Variants in LRP1B observed in about 807,000 individuals in gnomAD.
The protein encoded by LRP1B is low-density lipoprotein receptor-related protein 1B.
Under a neutral mutation model 556.6 loss-of-function variants are expected in LRP1B, and 217 were observed. The observed-to-expected ratio is 0.39, with a 90% confidence interval of 0.35 to 0.44. The LOEUF is 0.44. Ranked by LOEUF, LRP1B falls within the 20% of genes least tolerant of loss-of-function variation. The pLI is 1.00. For missense variants in LRP1B, 5,053 were observed against 5,620.8 expected, an observed-to-expected ratio of 0.90 and a Z score of 3.23; for synonymous variants, 2,047 against 1,865.8, an observed-to-expected ratio of 1.10 and a Z score of -2.50.
chr2:140,610,931 C>A (rs1390669637), intron 41 of LRP1B, among the ~76,000 whole-genome samples: 1 of 152,174 alleles, frequency 6.6e-6, no homozygotes, highest in Non-Finnish European at 1.5e-5. Context: ...GTAACAAATT[C>A]ATAAGACATT....
At chr2:140,545,206 T>C (rs746120605) in intron 43 of LRP1B, among the ~76,000 whole-genome samples, 8 of 151,880 alleles carry the variant, frequency 5.3e-5, no homozygotes, top group Admixed American at 1.3e-4. Context: ...GGACTCATAG[T>C]TTGCAAAATT....
intron 20 of LRP1B, among the ~76,000 whole-genome samples, chr2:140,946,973 T>C (rs1695566930): frequency 6.6e-6 from 1 of 152,098 alleles, no homozygotes; most frequent in African/African-American, 2.4e-5. Flanking sequence ...GCTAAACCTT[T>C]GGTACACGTG....
intron 55 of LRP1B, among the ~76,000 whole-genome samples, chr2:140,499,423 A>C (rs72899886): frequency 0.2 from 30,226 of 151,452 alleles, 3,589 homozygotes; most frequent in Non-Finnish European, 0.27. Context: ...ACATAGAACA[A>C]ACACACACAC....
intron 31 of LRP1B, among the ~76,000 whole-genome samples, chr2:140,835,224 AAC>A (rs1691858821): frequency 6.6e-6 from 1 of 152,210 alleles, no homozygotes; most frequent in Non-Finnish European, 1.5e-5. Context: ...AGTGAAGTAA[AAC>A]ACAGACGTAA....
chr2:141,904,146 T>C (rs999166199), intron 1 of LRP1B, among the ~76,000 whole-genome samples: 1 of 151,948 alleles, frequency 6.6e-6, no homozygotes, highest in Non-Finnish European at 1.5e-5. Flanking sequence ...AATTATGTGA[T>C]AGATAATTCA....
At chr2:140,831,648 C>G (rs1488417896) in intron 31 of LRP1B, among the ~76,000 whole-genome samples, 1 of 151,928 alleles carries the variant, frequency 6.6e-6, no homozygotes, top group Non-Finnish European at 1.5e-5. Flanking sequence ...AAAGCACAGG[C>G]AACAAAAGCA....
chr2:140,807,015 A>T (rs1014823908), intron 32 of LRP1B, among the ~76,000 whole-genome samples: 1 of 152,196 alleles, frequency 6.6e-6, no homozygotes, highest in Non-Finnish European at 1.5e-5. Context: ...AAAATCCATA[A>T]ATAACCCAGA....
At chr2:141,910,493 T>C (rs1313924379) in intron 1 of LRP1B, among the ~76,000 whole-genome samples, 1 of 67,064 alleles carries the variant, frequency 1.5e-5, no homozygotes, top group Non-Finnish European at 3.9e-5. Context: ...GAAATATACA[T>C]TTTTTCTAGT....
At chr2:141,737,379 C>T (rs112229062) in intron 2 of LRP1B, among the ~76,000 whole-genome samples, 5 of 152,016 alleles carry the variant, frequency 3.3e-5, no homozygotes, top group South Asian at 4.1e-4. Flanking sequence ...AACAAAAAAG[C>T]GGAAGTTGCC....
chr2:141,185,698 A>AC (rs1319329115), intron 7 of LRP1B, among the ~76,000 whole-genome samples: 52 of 120,334 alleles, frequency 4.3e-4, no homozygotes, highest in South Asian at 1.1e-3. Context: ...AAAAAAAAAC[A>AC]AAAAAAAAAA....
intron 29 of LRP1B, among the ~76,000 whole-genome samples, chr2:140,846,725 C>T (rs1385354836): frequency 5.3e-5 from 8 of 151,892 alleles, no homozygotes; most frequent in Admixed American, 3.3e-4. Flanking sequence ...AATAGAGAGA[C>T]GAGAGCTAAG....
intron 2 of LRP1B, among the ~76,000 whole-genome samples, chr2:141,492,988 G>A (rs1683388659): frequency 6.6e-6 from 1 of 152,090 alleles, no homozygotes; most frequent in Non-Finnish European, 1.5e-5. Flanking sequence ...TGTAAAAGTA[G>A]CATTAATAGG....
chr2:142,059,012 G>A (rs1704792055), intron 1 of LRP1B, among the ~76,000 whole-genome samples: 1 of 152,064 alleles, frequency 6.6e-6, no homozygotes, highest in Admixed American at 6.6e-5. Context: ...TGTAAAATAT[G>A]GAATTACCAG....
rs562302804 is a variant in LRP1B at position 140,944,475 on chromosome 2, G to A, written c.3136+5760C>T. On this transcript the variant is annotated intron_variant, in intron 20 of 90. Transcript: ENST00000389484. Reference sequence around the variant, plus strand: ...GATGCAATGAAAAAAGAAAATTACAGCATAATATTCCTAATGAACACAGAC... The same window carrying A: ...GATGCAATGAAAAAAGAAAATTACAACATAATATTCCTAATGAACACAGAC... Among the ~76,000 whole-genome samples, 5 of 152,134 alleles carry A rather than the reference G, an allele frequency of 3.3e-5. No homozygotes were observed. The South Asian group carries it at 8.3e-4, about 25-fold the overall frequency.
rs1345220663 is a variant in LRP1B at position 141,025,659 on chromosome 2, T to C, written c.1790-5557A>G. Reference sequence around the variant, plus strand: ...AGCTCTTTTTGGGTCTCCAGCCTGCTGATGTACTCTGCAAATTTTGGACTT... The same window carrying C: ...AGCTCTTTTTGGGTCTCCAGCCTGCCGATGTACTCTGCAAATTTTGGACTT... On this transcript the variant is annotated intron_variant, in intron 11 of 90. Transcript: ENST00000389484. Among the ~76,000 whole-genome samples, 3 of 152,100 alleles carry C rather than the reference T, an allele frequency of 2.0e-5. No individual in the cohort carries two copies. In the East Asian group the frequency reaches 5.8e-4, roughly 29 times the overall value.
chr2:140,280,762 A>T (rs962114325), intron 84 of LRP1B, among the ~76,000 whole-genome samples: 9 of 151,810 alleles, frequency 5.9e-5, no homozygotes, highest in Non-Finnish European at 1.0e-4. Context: ...AGTTTTGAGC[A>T]TTTTACTGAC....
intron 7 of LRP1B, among the ~76,000 whole-genome samples, chr2:141,120,066 C>T (rs1045633624): frequency 7.2e-5 from 11 of 151,834 alleles, no homozygotes; most frequent in African/African-American, 2.7e-4. Flanking sequence ...TGGGTACCTT[C>T]CACTTATTAC....
intron 21 of LRP1B, 97 bp downstream of exon 21, chr2:140,922,868 A>G: frequency 9.5e-7 from 1 of 1,056,718 alleles, no homozygotes; most frequent in Non-Finnish European, 1.4e-6. Flanking sequence ...AAAATATAAG[A>G]TTACTTTTTA....
intron 7 of LRP1B, among the ~76,000 whole-genome samples, chr2:141,067,756 G>A (rs1008165955): frequency 1.3e-5 from 2 of 151,978 alleles, no homozygotes; most frequent in African/African-American, 4.8e-5. Context: ...AGACTGAGAG[G>A]AGTCACTAGG....
Sources: allele counts gnomAD v4.1 joint callset (sites outside exome capture counted in the v4.1 genomes callset), GRCh38; gene constraint gnomAD v4.1.1; transcripts MANE v1.5; gene names NCBI Gene and HGNC (gene_info 2026-07-23, HGNC 2026-07-21).